Variants in C8orf34 observed in about 807,000 individuals in gnomAD.
C8orf34 encodes uncharacterized protein C8orf34.
In C8orf34, 65 loss-of-function variants were observed where a neutral mutation model predicts 68.3. The observed-to-expected ratio is 0.95, with a 90% confidence interval of 0.78 to 1.17. The LOEUF is 1.17. Among genes scored for constraint, C8orf34 ranks in the 50% most tolerant of loss-of-function variants. The pLI, the probability that C8orf34 is intolerant of heterozygous loss-of-function variation, is 0.00. For missense variants in C8orf34, 664 were observed against 655.4 expected (o/e 1.01, Z -0.14); for synonymous variants, 244 against 241.2 (o/e 1.01, Z -0.11).
intron 7 of C8orf34, among the ~76,000 whole-genome samples, chr8:68,549,508 C>G (rs1275666450): frequency 6.6e-6 from 1 of 151,640 alleles, no homozygotes; most frequent in Non-Finnish European, 1.5e-5. Context: ...CATACATTTA[C>G]CAAAACTCAT....
chr8:68,679,251 C>T (rs935505861), intron 8 of C8orf34, among the ~76,000 whole-genome samples: 2 of 152,032 alleles, frequency 1.3e-5, no homozygotes, highest in Admixed American at 1.3e-4. Flanking sequence ...CCCACCACTG[C>T]ACTCCAGCCT....
chr8:68,529,424 C>T (rs908154362), intron 6 of C8orf34, among the ~76,000 whole-genome samples: 2 of 152,116 alleles, frequency 1.3e-5, no homozygotes, highest in African/African-American at 2.4e-5. Flanking sequence ...CCTCGCAATC[C>T]GTATCTGTAA....
chr8:68,470,711 T>C (rs1210731132), intron 4 of C8orf34, among the ~76,000 whole-genome samples: 1 of 152,088 alleles, frequency 6.6e-6, no homozygotes, highest in Non-Finnish European at 1.5e-5. Flanking sequence ...AGGACCTGTT[T>C]CTTGGTTCCA....
intron 8 of C8orf34, among the ~76,000 whole-genome samples, chr8:68,681,409 T>A (rs1820367133): frequency 6.6e-6 from 1 of 152,290 alleles, no homozygotes; most frequent in African/African-American, 2.4e-5. Flanking sequence ...TCAGGCTCCC[T>A]GACTTCCCGC....
chr8:68,381,183 A>G (rs1808014377), intron 1 of C8orf34, among the ~76,000 whole-genome samples: 1 of 152,200 alleles, frequency 6.6e-6, no homozygotes, highest in South Asian at 2.1e-4. Context: ...AAGCAGGAAG[A>G]CTAGACTATT....
chr8:68,703,911 G>T (rs1821092164), intron 8 of C8orf34, among the ~76,000 whole-genome samples: 1 of 152,012 alleles, frequency 6.6e-6, no homozygotes, highest in African/African-American at 2.4e-5. Flanking sequence ...TTAACTATAT[G>T]CAGCATGATT....
chr8:68,600,226 T>C (rs1034591238), intron 7 of C8orf34, among the ~76,000 whole-genome samples: 1 of 152,142 alleles, frequency 6.6e-6, no homozygotes, highest in African/African-American at 2.4e-5. Context: ...CCACTTTGAG[T>C]CAAGTGTAGA....
At chr8:68,354,983 GA>G (rs111473535) in intron 1 of C8orf34, among the ~76,000 whole-genome samples, 47 of 145,324 alleles carry the variant, frequency 3.2e-4, no homozygotes, top group South Asian at 2.4e-3. Flanking sequence ...ATCTTATTTG[GA>G]AAAAAAAAAC....
intron 3 of C8orf34, among the ~76,000 whole-genome samples, chr8:68,468,188 A>G (rs1812228818): frequency 6.6e-6 from 1 of 152,036 alleles, no homozygotes; most frequent in African/African-American, 2.4e-5. Flanking sequence ...TTTCTTGCCT[A>G]ATAATGTCTT....
intron 7 of C8orf34, among the ~76,000 whole-genome samples, chr8:68,575,475 C>G (rs779150575): frequency 6.6e-6 from 1 of 151,954 alleles, no homozygotes; most frequent in Non-Finnish European, 1.5e-5. Flanking sequence ...TTTTCAAACC[C>G]GTATGTGCTA....
intron 1 of C8orf34, among the ~76,000 whole-genome samples, chr8:68,400,119 C>A (rs1026723001): frequency 6.6e-6 from 1 of 152,096 alleles, no homozygotes; most frequent in Non-Finnish European, 1.5e-5. Context: ...GGCAAGCTGT[C>A]TATTCACTCT....
intron 1 of C8orf34, among the ~76,000 whole-genome samples, chr8:68,342,541 G>A (rs1232818918): frequency 6.6e-6 from 1 of 152,166 alleles, no homozygotes; most frequent in South Asian, 2.1e-4. Flanking sequence ...GGTCAACCAT[G>A]GCCCAAAAAT....
intron 1 of C8orf34, among the ~76,000 whole-genome samples, chr8:68,392,136 T>C (rs983620188): frequency 1.3e-5 from 2 of 152,148 alleles, no homozygotes; most frequent in Non-Finnish European, 2.9e-5. Flanking sequence ...AAATATTTTG[T>C]TTCCCTGAGG....
intron 1 of C8orf34, chr8:68,438,788 T>A (rs1360600674): frequency 1.3e-5 from 2 of 151,906 alleles, no homozygotes; most frequent in Non-Finnish European, 2.9e-5. Flanking sequence ...GAAAAAAAAA[T>A]ATGTAGATAT....
intron 6 of C8orf34, among the ~76,000 whole-genome samples, chr8:68,524,891 G>A (rs1182106640): frequency 6.6e-6 from 1 of 152,042 alleles, no homozygotes; most frequent in Non-Finnish European, 1.5e-5. Context: ...ATTAAGCCTT[G>A]AAGCCTAATG....
At chr8:68,716,084 A>G (rs1821463705) in intron 9 of C8orf34, among the ~76,000 whole-genome samples, 1 of 151,846 alleles carries the variant, frequency 6.6e-6, no homozygotes, top group African/African-American at 2.4e-5. Flanking sequence ...CAAATATCAT[A>G]TGTTCTCACT....
intron 10 of C8orf34, among the ~76,000 whole-genome samples, chr8:68,744,518 C>T (rs1467373348): frequency 1.3e-5 from 2 of 151,340 alleles, no homozygotes; most frequent in Admixed American, 6.6e-5. Flanking sequence ...ACTAGAATAA[C>T]CAATACAGAG....
At chr8:68,776,309 G>A in intron 10 of C8orf34, 90 bp from the exon 11 acceptor site, 1 of 920,244 alleles carries the variant, frequency 1.1e-6, no homozygotes, top group Non-Finnish European at 1.8e-6. Flanking sequence ...AATATTTGGT[G>A]TTGCTCTCAG....
intron 7 of C8orf34, among the ~76,000 whole-genome samples, chr8:68,543,703 C>T (rs948760227): frequency 6.6e-6 from 1 of 152,114 alleles, no homozygotes; most frequent in Non-Finnish European, 1.5e-5. Context: ...AATCCAAATT[C>T]ATATTAATAT....
Sources: gnomAD v4.1 joint callset for allele counts (sites outside exome capture counted in the v4.1 genomes callset) on GRCh38, gnomAD v4.1.1 for gene constraint, MANE v1.5 for transcripts, NCBI Gene and HGNC (gene_info 2026-07-23, HGNC 2026-07-21) for gene names.